The following RNF19A variants were observed in gnomAD, a reference collection of about 807,000 sequenced individuals.
RNF19A encodes ring finger protein 19A, RBR E3 ubiquitin protein ligase.
In RNF19A, 32 loss-of-function variants were observed where a neutral mutation model predicts 75.7. That is an observed-to-expected ratio of 0.42 (90% CI 0.32 to 0.57). The LOEUF is 0.57. Among genes scored for constraint, RNF19A ranks in the 20% least tolerant of loss-of-function variants. The probability of loss-of-function intolerance (pLI) is 0.10; values close to 1 mark genes in which losing one functional copy is unlikely to be tolerated. For synonymous variants in RNF19A, 335 were observed against 345.2 expected, an observed-to-expected ratio of 0.97 and a Z score of 0.33; for missense variants, 782 against 1,036.3, an observed-to-expected ratio of 0.75 and a Z score of 3.37.
chr8:100,275,172 C>A lies in RNF19A; in HGVS notation c.675-11G>T, dbSNP rs201153762. On this transcript the variant is annotated splice_polypyrimidine_tract_variant and intron_variant, in intron 2 of 9. Coordinates refer to ENST00000341084, the MANE Select transcript of RNF19A (RefSeq NM_183419.4). This position sits in a 1 kb window ranked among gnomAD's most constrained non-coding sequence, Gnocchi z 4.3. The stretch of plus-strand genomic sequence containing the variant: ...GCTATCACAGCATATCTTGAAAGAA[C>A]AAGAAAAATGATTTAAAATGTGACA... 1 of 1,609,840 alleles carries A rather than the reference C, an allele frequency of 6.2e-7. No homozygotes were observed. The highest frequency in any genetic ancestry group is 8.5e-7 in the Non-Finnish European group (1 of 1,176,830).
In RNF19A at chr8:100,261,411, T is replaced by C. The variant is rs140187487; in HGVS notation, c.1682+131A>G. The C allele has an allele frequency of 4.9e-5, 41 of 840,176 alleles. No homozygotes were observed. Among genetic ancestry groups the C allele is most frequent in the Non-Finnish European group, 7.7e-5 (41 of 535,798 alleles). The allele number at this position is 840,176 out of a possible 1,614,324, so 52.0% of individuals were successfully genotyped here. ...CTGCACCTGGCCCCAAATTTCATTT[T>C]TAACATTACTATTTTGAACCTTGAC... On this transcript the variant is annotated intron_variant, in intron 8 of 9. Transcript: ENST00000341084. This position sits in a 1 kb window ranked among gnomAD's most constrained non-coding sequence, Gnocchi z 4.4.
At chr8:100,271,553 G>A (rs1820256552) in intron 3 of RNF19A, among the ~76,000 whole-genome samples, 1 of 152,136 alleles carries the variant, frequency 6.6e-6, no homozygotes, top group African/African-American at 2.4e-5. Flanking sequence ...AATGATGCAT[G>A]CAATCTTTGG....
chr8:100,303,948 T>TTTTA (rs1242429996), intron 1 of RNF19A, among the ~76,000 whole-genome samples: 3 of 151,590 alleles, frequency 2.0e-5, no homozygotes, highest in East Asian at 3.9e-4. Flanking sequence ...AAAAAAAAGT[T>TTTTA]TTTATTTATT....
chr8:100,315,837 GT>G (rs1320871302), intron 1 of RNF19A, among the ~76,000 whole-genome samples: 2 of 152,172 alleles, frequency 1.3e-5, no homozygotes, highest in East Asian at 3.8e-4. Flanking sequence ...AGATTTCTGA[GT>G]TTCATATCAG....
intron 2 of RNF19A, among the ~76,000 whole-genome samples, chr8:100,276,387 T>A (rs1317618118): frequency 6.6e-6 from 1 of 152,060 alleles, no homozygotes; most frequent in Non-Finnish European, 1.5e-5. Context: ...TCAAATAGAT[T>A]AGTGGTTGCC....
At chr8:100,267,733 A>G (rs569751675) in intron 5 of RNF19A, among the ~76,000 whole-genome samples, 2 of 150,394 alleles carry the variant, frequency 1.3e-5, no homozygotes, top group South Asian at 2.1e-4. Context: ...ATGGAGTGCA[A>G]TGGTGCAATC....
rs1277618985 is a variant in RNF19A, at chr8:100,331,452, A to T, written c.-243+4656T>A. Among the ~76,000 whole-genome samples, 1 of 151,966 alleles carries T rather than the reference A, an allele frequency of 6.6e-6. No homozygotes were observed. The highest frequency in any genetic ancestry group is 2.4e-5 in the African/African-American group (1 of 41,348). On this transcript the variant is annotated intron_variant, in intron 1 of 3. Transcript: ENST00000519527. The surrounding 1 kb of genome is among the most constrained non-coding windows in gnomAD (Gnocchi z 5.2). ...GGAGTTTGGGACCAGCCTGGACAAC[A>T]TGGTGAAACTCCATCTCTACAAAAT...
intron 1 of RNF19A, among the ~76,000 whole-genome samples, chr8:100,304,344 G>A (rs1821975758): frequency 6.6e-6 from 1 of 152,102 alleles, no homozygotes; most frequent in African/African-American, 2.4e-5. Flanking sequence ...AGTCACAACT[G>A]CCTACCAGGT....
chr8:100,261,899 A>C lies in RNF19A; in HGVS notation c.1469-144T>G, dbSNP rs568318383. 1.2e-6 allele frequency: 1 copy of C among 821,328 alleles called. No homozygotes were observed. The highest frequency in any genetic ancestry group is 1.7e-5 in the African/African-American group (1 of 58,166). 50.9% of individuals were successfully genotyped at this position (821,328 alleles called of 1,614,324 possible). On this transcript the variant is annotated intron_variant, in intron 7 of 9. Transcript: ENST00000341084. This position sits in a 1 kb window ranked among gnomAD's most constrained non-coding sequence, Gnocchi z 4.4. ...AAAAATATTTTTTTCAGGCTAGTCCACTAGAAGCAGTGGGAATAGAGCCAA... is the reference window on the plus strand; with the variant it reads ...AAAAATATTTTTTTCAGGCTAGTCCCCTAGAAGCAGTGGGAATAGAGCCAA...
In RNF19A at chr8:100,261,725, T is replaced by C. The variant is rs1364237999; in HGVS notation, c.1499A>G (p.Asn500Ser). Residue 500 changes from asparagine (N) to serine (S), a missense_variant, in exon 8 of 10, where the codon AAC becomes AGC. This residue lies in a region of RNF19A where 442 missense variants were observed against 541.6 expected (regional missense o/e 0.82). Transcript: ENST00000341084. The surrounding 1 kb of genome is among the most constrained non-coding windows in gnomAD (Gnocchi z 4.4). ...DTTSVAEARHNPSIGEGSVGG... is the reference protein window; with the variant it reads ...DTTSVAEARHSPSIGEGSVGG... ...AACACTTCCCTCCCCTATGCTTGGG[T>C]TGTGTCTTGCTTCTGCTACTGATGT... 3 of 1,614,158 alleles carry C rather than the reference T, an allele frequency of 1.9e-6. No homozygotes were observed. Among genetic ancestry groups the C allele is most frequent in the Non-Finnish European group, 2.5e-6 (3 of 1,180,016 alleles).
chr8:100,304,643 T>C (rs1158298341), intron 1 of RNF19A, among the ~76,000 whole-genome samples: 1 of 152,218 alleles, frequency 6.6e-6, no homozygotes, highest in African/African-American at 2.4e-5. Flanking sequence ...CAATATTAAA[T>C]AGATGAGAGG....
Position 100,272,684 on chromosome 8 carries a change from G to C in RNF19A, c.883+2269C>G, listed in dbSNP as rs150679013. Among the ~76,000 whole-genome samples the C allele has an allele frequency of 2.4e-3, 368 of 152,080 alleles. 1 individual carries two copies. The highest frequency in any genetic ancestry group is 3.5e-3 in the Non-Finnish European group (238 of 67,960). On this transcript the variant is annotated intron_variant, in intron 3 of 9. Transcript: ENST00000341084. ...CCCAAGTAGCTGGCACACACCACTA[G>C]AGATGCACACCACCACGCCTGGCTA...
chr8:100,310,586 T>C (rs972007180), upstream of RNF19A, among the ~76,000 whole-genome samples: 2 of 152,216 alleles, frequency 1.3e-5, no homozygotes, highest in African/African-American at 4.8e-5. Context: ...TGCCGGGATG[T>C]TGCAGCTCTC....
rs751946324 is a variant in RNF19A at position 100,258,651 on chromosome 8, C to T, written c.2422G>A (p.Val808Ile). The change falls in exon 10 of 10, where the codon GTT becomes ATT. Residue 808 changes from valine to isoleucine, a missense_variant. This residue lies in a region of RNF19A where 442 missense variants were observed against 541.6 expected (regional missense o/e 0.82). Transcript: ENST00000341084. This position sits in a 1 kb window ranked among gnomAD's most constrained non-coding sequence, Gnocchi z 4.3. ...AGTGCATCGCCAAAATATAAATCAA[C>T]ATTAGGTTTTATTCCATTGTTACCA... ...EHGNNGIKPN[V>I]DLYFGDALKE... 3.7e-6 allele frequency: 6 copies of T among 1,613,874 alleles called. No individual in the cohort carries two copies. In the Admixed American group the frequency reaches 8.3e-5, roughly 22 times the overall value.
intron 1 of RNF19A, among the ~76,000 whole-genome samples, chr8:100,294,167 A>G (rs967004664): frequency 2.0e-5 from 3 of 152,086 alleles, no homozygotes; most frequent in Non-Finnish European, 4.4e-5. Context: ...TATAAACTGG[A>G]TATTGTGGAT....
At chr8:100,316,538 A>AAC (rs1362909484) in intron 1 of RNF19A, among the ~76,000 whole-genome samples, 4 of 152,126 alleles carry the variant, frequency 2.6e-5, no homozygotes, top group African/African-American at 9.7e-5. Flanking sequence ...ACAGAGTATC[A>AAC]ACACAAAGGT....
At position 100,259,996 on chromosome 8, in the gene RNF19A, A is replaced by G. The variant is rs768560436; in HGVS notation, c.1684T>C (p.Leu562=). The change falls in exon 9 of 10, where the codon TTG becomes CTG. Residue 562 remains leucine (L), a splice_region_variant and synonymous_variant. Coordinates refer to ENST00000341084, the MANE Select transcript of RNF19A (RefSeq NM_183419.4). This position sits in a 1 kb window ranked among gnomAD's most constrained non-coding sequence, Gnocchi z 4.5. The stretch of plus-strand genomic sequence containing the variant: ...TTCTGTACATCTGCTTGTACTTCCA[A>G]CCTTAAAGGGGGGTATGAAATCACC... ...GSAMVNCFNR[L]EVQADVQKER... The G allele has an allele frequency of 4.8e-5, 78 of 1,613,064 alleles. No homozygotes were observed. In the Admixed American group the frequency reaches 1.0e-3, roughly 21 times the overall value.
At chr8:100,315,906 C>T (rs1019970127) in intron 1 of RNF19A, among the ~76,000 whole-genome samples, 7 of 152,210 alleles carry the variant, frequency 4.6e-5, no homozygotes, top group African/African-American at 1.7e-4. Context: ...TCCACAAGCT[C>T]TCCAGGTAAT....
rs1437992514 is a variant in RNF19A at position 100,259,964 on chromosome 8, C to T, written c.1716G>A (p.Arg572=). Residue 572 remains arginine, a synonymous_variant, in exon 9 of 10, where the codon CGG becomes CGA. Transcript: ENST00000341084. This position sits in a 1 kb window ranked among gnomAD's most constrained non-coding sequence, Gnocchi z 4.5. The stretch of plus-strand genomic sequence containing the variant: ...TGCCAGATTCTCCACTTAGACTGTA[C>T]CGTTCTTTCTGTACATCTGCTTGTA... ...LEVQADVQKE[R]YSLSGESGTV... 2.5e-6 allele frequency: 4 copies of T among 1,613,818 alleles called. No homozygotes were observed. Among genetic ancestry groups the T allele is most frequent in the Non-Finnish European group, 3.4e-6 (4 of 1,179,928 alleles).
Sources: allele counts gnomAD v4.1 joint callset (sites outside exome capture counted in the v4.1 genomes callset), GRCh38; gene constraint gnomAD v4.1.1; regional missense constraint gnomAD v4.1.1; non-coding constraint Gnocchi (gnomAD v3.1); transcripts MANE v1.5; gene names NCBI Gene and HGNC (gene_info 2026-07-23, HGNC 2026-07-21).